Variants in HPN observed in about 807,000 individuals in gnomAD.
HPN encodes hepsin.
HPN carries 13 observed loss-of-function variants against 55.9 expected under a neutral mutation model. That is an observed-to-expected ratio of 0.23 (90% CI 0.15 to 0.37). The LOEUF (loss-of-function observed/expected upper bound fraction) is 0.37. Among genes scored for constraint, HPN ranks in the 10% least tolerant of loss-of-function variants. HPN has a pLI of 1.00. For synonymous variants in HPN, 225 were observed against 240.3 expected, an observed-to-expected ratio of 0.94 and a Z score of 0.59; for missense variants, 451 against 575.8, an observed-to-expected ratio of 0.78 and a Z score of 2.22.
At chr19:35,052,692 G>A (rs1054362350) in intron 4 of HPN, among the ~76,000 whole-genome samples, 10 of 152,164 alleles carry the variant, frequency 6.6e-5, no homozygotes, top group South Asian at 2.1e-4. Context: ...CCTATGGTGT[G>A]TCCCTGCCAC....
At chr19:35,063,424 C>T (rs962424367) in intron 9 of HPN, among the ~76,000 whole-genome samples, 4 of 152,134 alleles carry the variant, frequency 2.6e-5, no homozygotes, top group African/African-American at 9.7e-5. Flanking sequence ...AAAACCAAAC[C>T]CTGTCCTGAC....
intron 4 of HPN, chr19:35,059,046 G>T (rs2151764086): frequency 6.2e-6 from 1 of 160,774 alleles, no homozygotes. Context: ...TCACCTTCCA[G>T]ACCTGCAGCT....
upstream of HPN, chr19:35,041,719 C>A: frequency 1.7e-6 from 2 of 1,189,610 alleles, no homozygotes; most frequent in South Asian, 1.4e-5. Context: ...CCCTCCTCCT[C>A]AGGTGAGGCA....
chr19:35,052,725 A>G (rs996757748), intron 4 of HPN, among the ~76,000 whole-genome samples: 9 of 152,012 alleles, frequency 5.9e-5, no homozygotes, highest in African/African-American at 2.2e-4. Context: ...CTCCTCACTC[A>G]TTGTGAATTA....
intron 4 of HPN, among the ~76,000 whole-genome samples, chr19:35,057,618 C>T (rs2064469075): frequency 6.6e-6 from 1 of 151,762 alleles, no homozygotes; most frequent in Non-Finnish European, 1.5e-5. Context: ...ACAAATAATT[C>T]AAAATTTCCA....
chr19:35,041,519 G>A, upstream of HPN: 2 of 521,490 alleles, frequency 3.8e-6, no homozygotes, highest in Non-Finnish European at 4.9e-6. Context: ...CTCCGGCCAG[G>A]CCTGTCCCTG....
intron 4 of HPN, among the ~76,000 whole-genome samples, chr19:35,057,024 A>C (rs1179142509): frequency 6.6e-6 from 1 of 152,236 alleles, no homozygotes; most frequent in Non-Finnish European, 1.5e-5. Flanking sequence ...AAAGACAAAA[A>C]GAAAAAATAA....
upstream of HPN, chr19:35,041,690 A>AAAACC: frequency 1.3e-4 from 103 of 773,122 alleles, no homozygotes; most frequent in East Asian, 5.7e-4. Context: ...CCGCCCCTTC[A>AAAACC]CCCGCCCCTC....
In HPN at chr19:35,041,883, G is replaced by A. The variant is rs1203141612; in HGVS notation, c.-55+11G>A. ...CTGCTGGACCCCAGGGTAAGGACAA[G>A]GGCCCCCAGACTCACAGTTCCAGCC... On this transcript the variant is annotated intron_variant, in intron 1 of 12. Coordinates refer to ENST00000672452, the MANE Select transcript of HPN (RefSeq NM_001384133.1). 2.2e-6 allele frequency: 3 copies of A among 1,335,008 alleles called. No homozygotes were observed. Among genetic ancestry groups the A allele is most frequent in the Non-Finnish European group, 3.0e-6 (3 of 1,014,966 alleles). The allele number at this position is 1,335,008 out of a possible 1,614,324, so 82.7% of individuals were successfully genotyped here. A position where few individuals can be genotyped will look rare whatever the true frequency, so the allele number is the denominator to read the frequency against.
Position 35,066,339 on chromosome 19 carries a change from G to A in HPN, c.*52G>A. 1 of 1,585,712 alleles carries A rather than the reference G, an allele frequency of 6.3e-7. No homozygotes were observed. Among genetic ancestry groups the A allele is most frequent in the Non-Finnish European group, 8.6e-7 (1 of 1,167,838 alleles). The stretch of plus-strand genomic sequence containing the variant: ...CAGGGCCCGAGGTGATCCCGGTGGT[G>A]GGATCCACGCTGGGCCTAGGATGGG... On this transcript the variant is annotated 3_prime_UTR_variant, in exon 13 of 13. Transcript: ENST00000672452.
chr19:35,049,376 G>A lies in HPN; in HGVS notation c.103G>A (p.Ala35Thr), dbSNP rs775107312. The change falls in exon 3 of 13, where the codon GCA becomes ACA. Residue 35 changes from alanine (A) to threonine (T), a missense_variant. Ala to Thr is a moderately conservative substitution (Grantham distance 58). Around this residue, in one of 2 missense-constraint regions of HPN, gnomAD observed 378 missense variants for 445.5 expected, o/e 0.85. Coordinates refer to ENST00000672452, the MANE Select transcript of HPN (RefSeq NM_001384133.1). Reference protein sequence around the residue: ...TLLLLTAIGAASWAIVAVLLR... With the variant: ...TLLLLTAIGATSWAIVAVLLR... ...GCTACTTCTGACAGCCATCGGGGCG[G>A]CATCCTGGGCCATTGGTGAGAGCGG... 1 of 1,603,052 alleles carries A rather than the reference G, an allele frequency of 6.2e-7. No homozygotes were observed. Among genetic ancestry groups the A allele is most frequent in the Non-Finnish European group, 8.5e-7 (1 of 1,173,456 alleles).
At chr19:35,065,838 C>T in intron 11 of HPN, 30 bp from the exon 12 acceptor site, 1 of 1,612,388 alleles carries the variant, frequency 6.2e-7, no homozygotes. Context: ...CCACTTTGGC[C>T]TTCAGCCAGA....
At chr19:35,066,176 C>T (rs374463571) in intron 12 of HPN, 73 bp from the exon 13 acceptor site, 6 of 1,613,722 alleles carry the variant, frequency 3.7e-6, no homozygotes, top group Non-Finnish European at 5.1e-6. Context: ...TGAAGGGTTC[C>T]TGGGGAAGGG....
rs530063929 is a variant in HPN, at chr19:35,048,411, C to T, written c.17-879C>T. On this transcript the variant is annotated intron_variant, in intron 2 of 12. Transcript: ENST00000672452. ...ACTAAATGAGCTGATGTATTTAGAA[C>T]GGTGCTTAGCACCTGGAGGCATCAA... Among the ~76,000 whole-genome samples, 17 of 152,330 alleles carry T rather than the reference C, an allele frequency of 1.1e-4. No homozygotes were observed. The East Asian group carries it at 2.1e-3, about 19-fold the overall frequency.
At chr19:35,063,737 G>A (rs2064564865) in intron 9 of HPN, among the ~76,000 whole-genome samples, 1 of 152,228 alleles carries the variant, frequency 6.6e-6, no homozygotes, top group Non-Finnish European at 1.5e-5. Context: ...TTTGAGGACA[G>A]GTGGACAGGT....
At position 35,059,688 on chromosome 19, in the gene HPN, C is replaced by A; in HGVS notation, c.176C>A (p.Ala59Glu). The change falls in exon 5 of 13, where the codon GCG becomes GAG. Residue 59 changes from alanine (A) to glutamate (E), a missense_variant. By Grantham distance (107) the Ala-to-Glu change is moderately radical (BLOSUM62 -1). This residue lies in a region of HPN where 378 missense variants were observed against 445.5 expected (regional missense o/e 0.85). Transcript: ENST00000672452. Reference protein sequence around the residue: ...EPLYPVQVSSADARLMVFDKT... With the variant: ...EPLYPVQVSSEDARLMVFDKT... ...CGCCCTGCAGTGCAGGTCAGCTCTGCGGACGCTCGGCTCATGGTCTTTGAC... is the reference window on the plus strand; with the variant it reads ...CGCCCTGCAGTGCAGGTCAGCTCTGAGGACGCTCGGCTCATGGTCTTTGAC... The A allele has an allele frequency of 6.3e-7, 1 of 1,598,088 alleles. No individual in the cohort carries two copies.
At chr19:35,042,667 C>T in intron 2 of HPN, 145 bp downstream of exon 2, 1 of 646,812 alleles carries the variant, frequency 1.5e-6, no homozygotes, top group Non-Finnish European at 2.7e-6. Context: ...TCCTCCTCCA[C>T]CTGATTAACT....
chr19:35,048,082 A>AAGAAAGAAAGAAAGAAAGAAGAAAGG (rs111546288), intron 2 of HPN, among the ~76,000 whole-genome samples: 4 of 96,984 alleles, frequency 4.1e-5, no homozygotes, highest in Non-Finnish European at 8.3e-5. Flanking sequence ...GAAAGAAAGA[A>AAGAAAGAAAGAAAGAAAGAAGAAAGG]AAGGAAGGAA....
At chr19:35,052,459 C>T (rs559131738) in intron 4 of HPN, among the ~76,000 whole-genome samples, 82 of 140,870 alleles carry the variant, frequency 5.8e-4, no homozygotes, top group Middle Eastern at 3.7e-3. Flanking sequence ...ACCTGGGAGG[C>T]GCGGGTTGCA....
Sources: gnomAD v4.1 joint callset for allele counts (sites outside exome capture counted in the v4.1 genomes callset) on GRCh38, gnomAD v4.1.1 for gene constraint, gnomAD v4.1.1 regional missense constraint, MANE v1.5 for transcripts, NCBI Gene and HGNC (gene_info 2026-07-23, HGNC 2026-07-21) for gene names.